TXK: variants seen among roughly 807,000 people sequenced by gnomAD.
TXK encodes the protein TXK tyrosine kinase, also known as tyrosine-protein kinase TXK.
TXK carries 60 observed loss-of-function variants against 81.0 expected under a neutral mutation model. The ratio of observed to expected loss-of-function variants is 0.74; its 90% CI spans 0.60 to 0.92. The LOEUF is 0.92. Among genes scored for constraint, TXK ranks in the 40% least tolerant of loss-of-function variants. TXK has a pLI of 0.00. For missense variants in TXK, 581 were observed against 638.3 expected (o/e 0.91, Z 0.97); for synonymous variants, 203 against 210.7 (o/e 0.96, Z 0.32).
At chr4:48,084,360 A>G (rs1395195886) in intron 10 of TXK, among the ~76,000 whole-genome samples, 2 of 151,996 alleles carry the variant, frequency 1.3e-5, no homozygotes, top group East Asian at 3.9e-4. Context: ...TCCCAGAATG[A>G]ATCAGGGGAA....
intron 8 of TXK, 74 bp downstream of exon 8, chr4:48,094,003 G>A (rs1399382676): frequency 6.3e-7 from 1 of 1,575,388 alleles, no homozygotes; most frequent in Non-Finnish European, 8.7e-7. Flanking sequence ...CCTGTTGAGT[G>A]CCTGATACCA....
At chr4:48,090,896 G>A (rs1717739648) in intron 8 of TXK, among the ~76,000 whole-genome samples, 1 of 152,238 alleles carries the variant, frequency 6.6e-6, no homozygotes, top group Non-Finnish European at 1.5e-5. Context: ...CCAGGTAGAT[G>A]GAACAGCATG....
At chr4:48,073,730 G>C (rs1262237759) in intron 13 of TXK, among the ~76,000 whole-genome samples, 1 of 152,216 alleles carries the variant, frequency 6.6e-6, no homozygotes, top group Admixed American at 6.5e-5. Flanking sequence ...GGAAGGAAAA[G>C]ATCCAAAAGG....
intron 10 of TXK, among the ~76,000 whole-genome samples, chr4:48,082,971 G>A (rs923092444): frequency 1.3e-5 from 2 of 152,130 alleles, no homozygotes; most frequent in African/African-American, 4.8e-5. Context: ...AATCCCACAT[G>A]CATCCTTCAA....
chr4:48,087,378 T>C (rs1256645774), intron 9 of TXK, among the ~76,000 whole-genome samples: 3 of 152,152 alleles, frequency 2.0e-5, no homozygotes, highest in Admixed American at 1.3e-4. Flanking sequence ...TAGTCCCTTC[T>C]ACCAGCTATG....
chr4:48,114,452 A>T, intron 1 of TXK, 50 bp from the exon 2 acceptor site: 1 of 1,567,966 alleles, frequency 6.4e-7, no homozygotes, highest in South Asian at 1.1e-5. Context: ...AGTACGTGAT[A>T]TTGAGGGAGT....
In TXK at chr4:48,067,712, A is replaced by G. The variant is rs1349069540; in HGVS notation, c.1516-7T>C. 6.2e-7 allele frequency: 1 copy of G among 1,613,692 alleles called. No homozygotes were observed. Among genetic ancestry groups the G allele is most frequent in the Non-Finnish European group, 8.5e-7 (1 of 1,179,716 alleles). ...TAGGGCGGCCTTCAGGTTTCTGGAAAAGGGAAGTGGGGGTGGTTAGCTCAG... is the reference window on the plus strand; with the variant it reads ...TAGGGCGGCCTTCAGGTTTCTGGAAGAGGGAAGTGGGGGTGGTTAGCTCAG... On this transcript the variant is annotated splice_polypyrimidine_tract_variant and splice_region_variant and intron_variant, in intron 14 of 14. Coordinates refer to ENST00000264316, the MANE Select transcript of TXK (RefSeq NM_003328.3).
At chr4:48,078,067 C>T (rs764179343) in intron 11 of TXK, among the ~76,000 whole-genome samples, 1 of 152,082 alleles carries the variant, frequency 6.6e-6, no homozygotes, top group Non-Finnish European at 1.5e-5. Flanking sequence ...CTGGCTATTG[C>T]GATTTTTCTA....
intron 6 of TXK, among the ~76,000 whole-genome samples, chr4:48,104,265 TATA>T (rs1718322114): frequency 7.8e-5 from 1 of 12,776 alleles, no homozygotes; most frequent in Non-Finnish European, 1.2e-4. Flanking sequence ...ATATATAATA[TATA>T]ATATAATATA....
At chr4:48,091,428 T>G (rs1717770413) in intron 8 of TXK, among the ~76,000 whole-genome samples, 3 of 152,112 alleles carry the variant, frequency 2.0e-5, no homozygotes, top group Admixed American at 2.0e-4. Flanking sequence ...TAGGAAGCAT[T>G]ACATTTTCCT....
At chr4:48,108,792 A>T (rs575267858) in intron 5 of TXK, among the ~76,000 whole-genome samples, 4 of 152,338 alleles carry the variant, frequency 2.6e-5, no homozygotes, top group East Asian at 3.9e-4. Context: ...AGTTTAATTC[A>T]GATGATCCAA....
intron 8 of TXK, among the ~76,000 whole-genome samples, chr4:48,091,091 G>A (rs1717748948): frequency 6.6e-6 from 1 of 152,362 alleles, no homozygotes; most frequent in African/African-American, 2.4e-5. Flanking sequence ...AAGACAGGCA[G>A]AGAGAGGCCA....
intron 13 of TXK, among the ~76,000 whole-genome samples, chr4:48,073,439 C>A (rs1200531201): frequency 1.3e-5 from 2 of 152,030 alleles, no homozygotes; most frequent in African/African-American, 4.8e-5. Flanking sequence ...TTTATAGATC[C>A]CAAGGAAGCC....
At chr4:48,089,902 A>C (rs1256978648) in intron 8 of TXK, 78 bp from the exon 9 acceptor site, 6 of 991,418 alleles carry the variant, frequency 6.1e-6, no homozygotes, top group Non-Finnish European at 7.6e-6. Flanking sequence ...AGAAGACAGT[A>C]CCATTCTTTA....
chr4:48,071,987 T>C (rs1716879666), intron 13 of TXK, among the ~76,000 whole-genome samples: 1 of 145,610 alleles, frequency 6.9e-6, no homozygotes, highest in African/African-American at 2.5e-5. Flanking sequence ...AGGGTCTCGC[T>C]CTGTCGCCCG....
rs1577652434 is a variant in TXK, at chr4:48,080,704, A to AC, written c.957-577_957-576insG. ...CACACACACACACACACACACACACAAAGACTTGAATGTTGCCTATTAAAA... is the reference window on the plus strand; with the variant it reads ...CACACACACACACACACACACACACACAAGACTTGAATGTTGCCTATTAAAA... On this transcript the variant is annotated intron_variant, in intron 10 of 14. Coordinates refer to ENST00000264316, the MANE Select transcript of TXK (RefSeq NM_003328.3). Among the ~76,000 whole-genome samples, 9 of 150,220 alleles carry AC rather than the reference A, an allele frequency of 6.0e-5. No homozygotes were observed. In the East Asian group the frequency reaches 1.6e-3, roughly 26 times the overall value.
rs147875737 is a variant in TXK at position 48,113,801 on chromosome 4, T to C, written c.72-492A>G. Among the ~76,000 whole-genome samples the C allele has an allele frequency of 2.4e-3, 368 of 151,858 alleles. 6 individuals carry two copies. The highest frequency in any genetic ancestry group is 0.021 in the Admixed American group (327 of 15,258). ...CTCTAATCTTCAATTTCCTCATCTG[T>C]AAAATGGGGATCATAAAAAAAAAAA... On this transcript the variant is annotated intron_variant, in intron 2 of 14. Coordinates refer to ENST00000264316, the MANE Select transcript of TXK (RefSeq NM_003328.3).
intron 6 of TXK, among the ~76,000 whole-genome samples, chr4:48,097,610 G>C (rs1718030749): frequency 6.6e-6 from 1 of 151,214 alleles, no homozygotes; most frequent in Admixed American, 6.6e-5. Context: ...GCTAATTTTT[G>C]TATTTTTAGT....
At chr4:48,079,880 A>T in intron 11 of TXK, 32 bp downstream of exon 11, 3 of 118,390 alleles carry the variant, frequency 2.5e-5, no homozygotes, top group Non-Finnish European at 6.0e-5. Context: ...GGTATGATAC[A>T]AAAAAAAAAA....
Sources: allele counts gnomAD v4.1 joint callset (sites outside exome capture counted in the v4.1 genomes callset), GRCh38; gene constraint gnomAD v4.1.1; transcripts MANE v1.5; gene names NCBI Gene and HGNC (gene_info 2026-07-23, HGNC 2026-07-21).